Variants in TGFB2 observed in about 807,000 individuals in gnomAD.
TGFB2 encodes the protein transforming growth factor beta 2, also known as transforming growth factor beta-2 proprotein.
TGFB2 carries 13 observed loss-of-function variants against 42.7 expected under a neutral mutation model. The ratio of observed to expected loss-of-function variants is 0.30; its 90% CI spans 0.20 to 0.48. The LOEUF (loss-of-function observed/expected upper bound fraction) is 0.48, where lower values mean the gene tolerates loss of function less well. TGFB2 is among the 20% of genes least tolerant of loss of function. TGFB2 has a pLI of 0.99. For synonymous variants in TGFB2, 193 were observed against 193.6 expected, an observed-to-expected ratio of 1.00 and a Z score of 0.03; for missense variants, 390 against 517.5, an observed-to-expected ratio of 0.75 and a Z score of 2.39.
intron 1 of TGFB2, among the ~76,000 whole-genome samples, chr1:218,380,552 G>T (rs1657925823): frequency 6.6e-6 from 1 of 152,098 alleles, no homozygotes; most frequent in Non-Finnish European, 1.5e-5. Context: ...GCACAAAGCA[G>T]CCAAATGTAG....
chr1:218,417,268 T>A (rs1308638299), intron 2 of TGFB2, among the ~76,000 whole-genome samples: 1 of 152,206 alleles, frequency 6.6e-6, no homozygotes, highest in Non-Finnish European at 1.5e-5. Context: ...TGGTCTCAGA[T>A]GGAGATCAGG....
chr1:218,369,513 T>G lies in TGFB2; in HGVS notation c.346+22466T>G, dbSNP rs141233851. On this transcript the variant is annotated intron_variant, in intron 1 of 6. Coordinates refer to ENST00000366930, the MANE Select transcript of TGFB2 (RefSeq NM_003238.6). ...TTTGATGGTTTTTAGTTAATAGTCC[T>G]TAGTTATTGGCAACTCACCCCCTTC... Among the ~76,000 whole-genome samples, 131 of 152,318 alleles carry G rather than the reference T, an allele frequency of 8.6e-4. 2 individuals are homozygous for G. The East Asian group carries it at 0.024, about 28-fold the overall frequency.
chr1:218,416,720 G>C (rs1416211749), intron 2 of TGFB2, among the ~76,000 whole-genome samples: 3 of 152,146 alleles, frequency 2.0e-5, no homozygotes, highest in Non-Finnish European at 4.4e-5. Context: ...GATATGGTTT[G>C]GCTGTGTCTC....
In TGFB2 at chr1:218,434,075, C is replaced by T. The variant is rs1659892424; in HGVS notation, c.511-7C>T. On this transcript the variant is annotated splice_region_variant and splice_polypyrimidine_tract_variant and intron_variant, in intron 2 of 6. Coordinates refer to ENST00000366930, the MANE Select transcript of TGFB2 (RefSeq NM_003238.6). Reference sequence around the variant, plus strand: ...CAGCCTTTTCTCTTGCTCTTTTTCCCCTCCAGATTCTCAAGTCCAAAGATT... The same window carrying T: ...CAGCCTTTTCTCTTGCTCTTTTTCCTCTCCAGATTCTCAAGTCCAAAGATT... 1 of 1,612,340 alleles carries T rather than the reference C, an allele frequency of 6.2e-7. No homozygotes were observed. Among genetic ancestry groups the T allele is most frequent in the Non-Finnish European group, 8.5e-7 (1 of 1,178,896 alleles).
chr1:218,405,545 T>G, intron 2 of TGFB2: 3 of 751,896 alleles, frequency 4.0e-6, no homozygotes, highest in African/African-American at 1.7e-5. Context: ...TTTAAAAAAC[T>G]TTTTTTAGAT....
At chr1:218,405,009 C>CT (rs957905270) in intron 1 of TGFB2, among the ~76,000 whole-genome samples, 160 bp from the exon 2 acceptor site, 5 of 151,942 alleles carry the variant, frequency 3.3e-5, no homozygotes, top group South Asian at 2.1e-4. Flanking sequence ...TATTTTATTT[C>CT]TTTTTTTTCT....
chr1:218,347,093 C>T (rs1656712335), intron 1 of TGFB2, 46 bp downstream of exon 1: 2 of 1,522,578 alleles, frequency 1.3e-6, no homozygotes, highest in Non-Finnish European at 1.8e-6. Flanking sequence ...TAGCTCTGCC[C>T]GGAGCTCTCA....
chr1:218,439,298 C>T (rs188702358), intron 6 of TGFB2, among the ~76,000 whole-genome samples: 115 of 152,110 alleles, frequency 7.6e-4, no homozygotes, highest in African/African-American at 2.5e-3. Flanking sequence ...GGTTTCTATT[C>T]TGCTCTTTAT....
chr1:218,386,658 G>A (rs552426935), intron 1 of TGFB2, among the ~76,000 whole-genome samples: 2 of 152,318 alleles, frequency 1.3e-5, no homozygotes, highest in African/African-American at 2.4e-5. Flanking sequence ...GGATGGCAGA[G>A]AAAGGGAGGG....
At position 218,443,032 on chromosome 1, in the gene TGFB2, G is replaced by A. The variant is rs1368906486; in HGVS notation, c.*1670G>A. 2 of 152,052 alleles carry A rather than the reference G, an allele frequency of 1.3e-5. No homozygotes were observed. The highest frequency in any genetic ancestry group is 2.4e-5 in the African/African-American group (1 of 41,428). The allele number at this position is 152,052 out of a possible 1,614,324, so 9.4% of individuals were successfully genotyped here. Reference sequence around the variant, plus strand: ...TATATTTTAGTCGATTTTTCAAAAGGGGAAAAAAGTCCAGGTCAGCATAAG... The same window carrying A: ...TATATTTTAGTCGATTTTTCAAAAGAGGAAAAAAGTCCAGGTCAGCATAAG... On this transcript the variant is annotated 3_prime_UTR_variant, in exon 7 of 7. Transcript: ENST00000366930.
At chr1:218,409,087 C>T (rs1264952630) in intron 2 of TGFB2, among the ~76,000 whole-genome samples, 2 of 152,146 alleles carry the variant, frequency 1.3e-5, no homozygotes, top group Non-Finnish European at 2.9e-5. Flanking sequence ...GAATCTAATG[C>T]CGCCGCTAAT....
At chr1:218,418,713 G>A (rs754463746) in intron 2 of TGFB2, among the ~76,000 whole-genome samples, 2 of 152,088 alleles carry the variant, frequency 1.3e-5, no homozygotes, top group African/African-American at 4.8e-5. Flanking sequence ...TGAATCATGG[G>A]GGCAAGTCTT....
intron 5 of TGFB2, 82 bp downstream of exon 5, chr1:218,436,229 A>G: frequency 6.9e-7 from 1 of 1,455,560 alleles, no homozygotes; most frequent in Non-Finnish European, 9.3e-7. Context: ...CTGTGTATTG[A>G]CCCAAGTGGA....
In TGFB2 at chr1:218,346,512, T is replaced by G; in HGVS notation, c.-190T>G. 1.8e-6 allele frequency: 1 copy of G among 544,350 alleles called. No individual in the cohort carries two copies. Among genetic ancestry groups the G allele is most frequent in the Non-Finnish European group, 3.1e-6 (1 of 319,062 alleles). 33.7% of individuals were successfully genotyped at this position (544,350 alleles called of 1,614,324 possible). On this transcript the variant is annotated 5_prime_UTR_variant, in exon 1 of 7. Transcript: ENST00000366930. The surrounding 1 kb of genome is among the most constrained non-coding windows in gnomAD (Gnocchi z 4.9). Reference sequence around the variant, plus strand: ...CACTTTTGGAACTACTGGCCTTTTCTTTTTAAAGGAATTCAAGCAGGATAC... The same window carrying G: ...CACTTTTGGAACTACTGGCCTTTTCGTTTTAAAGGAATTCAAGCAGGATAC...
At chr1:218,368,016 T>C (rs1657443301) in intron 1 of TGFB2, among the ~76,000 whole-genome samples, 1 of 152,150 alleles carries the variant, frequency 6.6e-6, no homozygotes, top group African/African-American at 2.4e-5. Flanking sequence ...TTGGCAAGTA[T>C]GGTCTCGATC....
chr1:218,430,063 G>A (rs1195145507), intron 2 of TGFB2, among the ~76,000 whole-genome samples: 1 of 152,080 alleles, frequency 6.6e-6, no homozygotes, highest in East Asian at 1.9e-4. Context: ...CAGTTAAGGG[G>A]AGGCCAGTTA....
chr1:218,435,841 G>A lies in TGFB2; in HGVS notation c.755-129G>A, dbSNP rs1015339467. On this transcript the variant is annotated intron_variant, in intron 4 of 6. Coordinates refer to ENST00000366930, the MANE Select transcript of TGFB2 (RefSeq NM_003238.6). The stretch of plus-strand genomic sequence containing the variant: ...ATATCTATTTCCATGGGGAATAACT[G>A]TTGCCAGCTGATGCTGCTTTGGTGG... 15 of 896,054 alleles carry A rather than the reference G, an allele frequency of 1.7e-5. No homozygotes were observed. The African/African-American group carries it at 2.3e-4, about 14-fold the overall frequency. The allele number at this position is 896,054 out of a possible 1,614,324, so 55.5% of individuals were successfully genotyped here.
chr1:218,436,280 T>C, intron 5 of TGFB2, 133 bp downstream of exon 5: 1 of 794,726 alleles, frequency 1.3e-6, no homozygotes, highest in Non-Finnish European at 1.9e-6. Flanking sequence ...ACAGCTCCTG[T>C]GTCTCATAAT....
intron 2 of TGFB2, among the ~76,000 whole-genome samples, chr1:218,419,193 C>T (rs1035366392): frequency 3.3e-5 from 5 of 152,126 alleles, no homozygotes; most frequent in African/African-American, 1.2e-4. Context: ...ATTTCCCCCT[C>T]ATTCATAGGG....
Sources: gnomAD v4.1 joint callset for allele counts (sites outside exome capture counted in the v4.1 genomes callset) on GRCh38, gnomAD v4.1.1 for gene constraint, Gnocchi (gnomAD v3.1) non-coding constraint, MANE v1.5 for transcripts, NCBI Gene and HGNC (gene_info 2026-07-23, HGNC 2026-07-21) for gene names.